The following ITSN2 variants were observed in gnomAD, a reference collection of about 807,000 sequenced individuals.
The protein encoded by ITSN2 is intersectin 2, also known as intersectin-2.
In ITSN2, 156 loss-of-function variants were observed where a neutral mutation model predicts 243.7. That is an observed-to-expected ratio of 0.64 (90% CI 0.56 to 0.73). The LOEUF is 0.73. Among genes scored for constraint, ITSN2 ranks in the 30% least tolerant of loss-of-function variants. ITSN2 has a pLI of 0.00. For synonymous variants in ITSN2, 703 were observed against 699.9 expected (o/e 1.00, Z -0.07); for missense variants, 1,801 against 1,996.1 (o/e 0.90, Z 1.86).
Position 24,208,333 on chromosome 2 carries a change from A to T in ITSN2, c.4596-14T>A. 6.2e-7 allele frequency: 1 copy of T among 1,607,186 alleles called. No homozygotes were observed. The highest frequency in any genetic ancestry group is 8.5e-7 in the Non-Finnish European group (1 of 1,177,958). ...ACCCAGGCGGTCCTACGGGAGAAGC[A>T]GGGGCAGCCGTTGGCCGCATCCCAC... On this transcript the variant is annotated splice_polypyrimidine_tract_variant and intron_variant, in intron 36 of 39. Transcript: ENST00000355123.
intron 1 of ITSN2, among the ~76,000 whole-genome samples, chr2:24,337,219 TGACA>T (rs1686479252): frequency 6.8e-6 from 1 of 147,936 alleles, no homozygotes. Context: ...ACGAATGGTC[TGACA>T]TTCAAAAGCA....
At chr2:24,227,203 C>A (rs573146772) in intron 29 of ITSN2, among the ~76,000 whole-genome samples, 85 of 151,324 alleles carry the variant, frequency 5.6e-4, no homozygotes, top group African/African-American at 2.0e-3. Context: ...AGGAATGGTG[C>A]AACTGGCCTG....
intron 22 of ITSN2, among the ~76,000 whole-genome samples, chr2:24,258,926 TG>T (rs1172653803): frequency 6.6e-6 from 1 of 152,218 alleles, no homozygotes; most frequent in East Asian, 1.9e-4. Flanking sequence ...TGGTGATTGA[TG>T]GCTCCTCTTT....
Position 24,303,825 on chromosome 2 carries a change from A to C in ITSN2, c.831T>G (p.Leu277=), listed in dbSNP as rs764191352. 2 of 1,610,940 alleles carry C rather than the reference A, an allele frequency of 1.2e-6. No homozygotes were observed. Among genetic ancestry groups the C allele is most frequent in the South Asian group, 2.2e-5 (2 of 91,016 alleles). Residue 277 remains leucine (L), a synonymous_variant, in exon 9 of 40, where the codon CTT becomes CTG. Coordinates refer to ENST00000355123, the MANE Select transcript of ITSN2 (RefSeq NM_006277.3). ...QARNALLQSN[L]SQTQLATIWT... ...AAATAGTAGCCAGCTGAGTTTGAGA[A>C]AGATTTGACTGAAGAAGGGCATTTC... is the stretch of plus-strand genomic sequence containing the variant.
intron 15 of ITSN2, among the ~76,000 whole-genome samples, chr2:24,288,089 CAAAA>C (rs1205719286): frequency 6.6e-6 from 1 of 151,906 alleles, no homozygotes; most frequent in Admixed American, 6.6e-5. Context: ...GTGTAATATC[CAAAA>C]AATCACTGCC....
chr2:24,352,117 T>C (rs1259874631), intron 1 of ITSN2, among the ~76,000 whole-genome samples: 1 of 152,162 alleles, frequency 6.6e-6, no homozygotes, highest in African/African-American at 2.4e-5. Context: ...GGAAAAAACA[T>C]AGTGTATATA....
Position 24,271,131 on chromosome 2 carries a change from G to A in ITSN2, c.2258-363C>T, listed in dbSNP as rs574368687. Among the ~76,000 whole-genome samples the A allele has an allele frequency of 2.0e-5, 3 of 152,230 alleles. No individual in the cohort carries two copies. In the South Asian group the frequency reaches 6.2e-4, roughly 32 times the overall value. On this transcript the variant is annotated intron_variant, in intron 19 of 39. Coordinates refer to ENST00000355123, the MANE Select transcript of ITSN2 (RefSeq NM_006277.3). ...TCTGTGGAGGTCTGAATATAACAGGGAAGTAAAGGACAAAAAGGGGGGTCT... is the reference window on the plus strand; with the variant it reads ...TCTGTGGAGGTCTGAATATAACAGGAAAGTAAAGGACAAAAAGGGGGGTCT...
intron 32 of ITSN2, among the ~76,000 whole-genome samples, chr2:24,215,567 T>C (rs993346549): frequency 6.6e-6 from 1 of 151,010 alleles, no homozygotes; most frequent in African/African-American, 2.4e-5. Context: ...CTTTGGAGGC[T>C]GAGGTAGGAG....
intron 1 of ITSN2, among the ~76,000 whole-genome samples, chr2:24,337,145 C>A (rs1167569917): frequency 1.3e-5 from 2 of 148,772 alleles, no homozygotes; most frequent in African/African-American, 2.5e-5. Flanking sequence ...GTGAGGAAGG[C>A]GGCTCAGGTT....
intron 24 of ITSN2, among the ~76,000 whole-genome samples, chr2:24,253,747 T>C (rs1411383657): frequency 2.0e-5 from 3 of 152,236 alleles, no homozygotes; most frequent in African/African-American, 7.2e-5. Context: ...TTGTTTAACA[T>C]TAAACTGATA....
intron 2 of ITSN2, among the ~76,000 whole-genome samples, chr2:24,318,206 G>A (rs949910807): frequency 6.6e-6 from 1 of 152,124 alleles, no homozygotes; most frequent in Admixed American, 6.5e-5. Context: ...GGAGTACAGA[G>A]TGACCCTTGG....
rs1687013158 is a variant in ITSN2, at chr2:24,341,155, G to C, written c.-33-13040C>G. Among the ~76,000 whole-genome samples the C allele has an allele frequency of 2.6e-5, 4 of 152,198 alleles. No homozygotes were observed. In the South Asian group the frequency reaches 8.3e-4, roughly 31 times the overall value. On this transcript the variant is annotated intron_variant, in intron 1 of 39. Coordinates refer to ENST00000355123, the MANE Select transcript of ITSN2 (RefSeq NM_006277.3). The stretch of plus-strand genomic sequence containing the variant: ...TAGAGCAGTAATATTAACCAAGATA[G>C]AAGCTCTAAGAAAGTAGGAATCTAG...
At chr2:24,350,138 T>C (rs1014444229) in intron 1 of ITSN2, among the ~76,000 whole-genome samples, 3 of 152,190 alleles carry the variant, frequency 2.0e-5, no homozygotes, top group African/African-American at 7.2e-5. Flanking sequence ...TACATAAATA[T>C]CAGAGGTTAT....
chr2:24,264,655 CACT>C (rs1676381671), intron 20 of ITSN2, among the ~76,000 whole-genome samples: 1 of 1,038 alleles, frequency 9.6e-4, no homozygotes, highest in Non-Finnish European at 3.9e-3. Flanking sequence ...GTTCTTTTTC[CACT>C]GAGTTGCTTT....
intron 10 of ITSN2, 92 bp downstream of exon 10, chr2:24,301,872 TA>T: frequency 8.2e-7 from 1 of 1,217,554 alleles, no homozygotes; most frequent in Non-Finnish European, 1.1e-6. Context: ...TGTTGAATAC[TA>T]AAATCAATGG....
At chr2:24,218,114 A>T in intron 30 of ITSN2, 101 bp from the exon 31 acceptor site, 1 of 729,822 alleles carries the variant, frequency 1.4e-6, no homozygotes. Flanking sequence ...AACTAATCAG[A>T]TCAAATAATG....
intron 2 of ITSN2, among the ~76,000 whole-genome samples, chr2:24,324,271 T>TA (rs1684914750): frequency 6.6e-6 from 1 of 152,014 alleles, no homozygotes. Flanking sequence ...AAATTTTTTT[T>TA]AAAAAGCTGC....
intron 35 of ITSN2, 55 bp downstream of exon 35, chr2:24,209,763 T>C (rs541202049): frequency 1.4e-6 from 2 of 1,413,960 alleles, no homozygotes; most frequent in East Asian, 2.3e-5. Flanking sequence ...GGCCTTAAGA[T>C]AGAGGCAACA....
intron 19 of ITSN2, 31 bp downstream of exon 19, chr2:24,271,735 T>C: frequency 1.3e-6 from 2 of 1,503,686 alleles, no homozygotes; most frequent in Non-Finnish European, 1.8e-6. Flanking sequence ...GTTGCATTTG[T>C]TCTACTGTCT....
Sources: gnomAD v4.1 joint callset for allele counts (sites outside exome capture counted in the v4.1 genomes callset) on GRCh38, gnomAD v4.1.1 for gene constraint, MANE v1.5 for transcripts, NCBI Gene and HGNC (gene_info 2026-07-23, HGNC 2026-07-21) for gene names.